The following FNBP1 variants were observed in gnomAD, a reference collection of about 807,000 sequenced individuals.
The protein encoded by FNBP1 is formin-binding protein 1.
In FNBP1, 26 loss-of-function variants were observed where a neutral mutation model predicts 90.6. The ratio of observed to expected loss-of-function variants is 0.29; its 90% CI spans 0.21 to 0.40. FNBP1 has a LOEUF of 0.40. Among genes scored for constraint, FNBP1 ranks in the 10% least tolerant of loss-of-function variants. FNBP1 has a pLI of 1.00. For missense variants in FNBP1, 635 were observed against 768.0 expected (o/e 0.83, Z 2.05); for synonymous variants, 260 against 265.2 (o/e 0.98, Z 0.19).
intron 7 of FNBP1, among the ~76,000 whole-genome samples, chr9:129,927,699 T>A (rs2042115706): frequency 6.6e-6 from 1 of 152,108 alleles, no homozygotes; most frequent in Admixed American, 6.6e-5. Context: ...AACCTCTGCC[T>A]CCAGGTTCAA....
At chr9:129,931,166 T>C (rs1429104098) in intron 6 of FNBP1, among the ~76,000 whole-genome samples, 2 of 152,038 alleles carry the variant, frequency 1.3e-5, no homozygotes, top group Non-Finnish European at 2.9e-5. Context: ...CATGGTGGTA[T>C]GTGCCTATAG....
At chr9:129,953,440 A>G (rs1431904454) in intron 6 of FNBP1, among the ~76,000 whole-genome samples, 1 of 152,140 alleles carries the variant, frequency 6.6e-6, no homozygotes, top group Admixed American at 6.5e-5. Context: ...CAATGAGCCA[A>G]GATAGCACCA....
At chr9:130,027,221 AT>A (rs1348524365) in intron 1 of FNBP1, among the ~76,000 whole-genome samples, 2 of 152,334 alleles carry the variant, frequency 1.3e-5, no homozygotes, top group East Asian at 3.9e-4. Flanking sequence ...AAAGTGTATG[AT>A]CATGTGACAA....
intron 1 of FNBP1, among the ~76,000 whole-genome samples, chr9:130,016,476 G>A (rs1341314929): frequency 1.3e-5 from 2 of 152,134 alleles, no homozygotes; most frequent in East Asian, 3.8e-4. Flanking sequence ...GGGCATGGGG[G>A]CTCACACCTG....
intron 1 of FNBP1, among the ~76,000 whole-genome samples, chr9:130,025,757 C>A (rs2058282488): frequency 6.6e-6 from 1 of 152,118 alleles, no homozygotes; most frequent in Non-Finnish European, 1.5e-5. Flanking sequence ...AACCCTGTCT[C>A]TACTAAAAAT....
At chr9:130,053,866 C>T in the FNBP1 span, 4 of 1,487,476 alleles carry the variant, frequency 2.7e-6, no homozygotes, top group South Asian at 1.2e-5. Flanking sequence ...CGGGCCCTTC[C>T]GGCGGCTGCG....
At chr9:129,921,253 G>C (rs2041035334) in intron 10 of FNBP1, among the ~76,000 whole-genome samples, 1 of 151,202 alleles carries the variant, frequency 6.6e-6, no homozygotes, top group African/African-American at 2.4e-5. Context: ...TATCAATTAT[G>C]AATTTACATT....
chr9:129,913,661 C>T (rs1564310438), intron 11 of FNBP1, among the ~76,000 whole-genome samples: 1 of 151,922 alleles, frequency 6.6e-6, no homozygotes. Context: ...ATCCCAGCTA[C>T]TCGAGAAGCT....
At chr9:130,015,688 T>C (rs1379150294) in intron 1 of FNBP1, among the ~76,000 whole-genome samples, 2 of 152,220 alleles carry the variant, frequency 1.3e-5, no homozygotes, top group Non-Finnish European at 2.9e-5. Flanking sequence ...TTTTGTTTTG[T>C]TTTGGAGATA....
intron 6 of FNBP1, among the ~76,000 whole-genome samples, chr9:129,942,739 G>A (rs1234649614): frequency 6.6e-6 from 1 of 152,174 alleles, no homozygotes; most frequent in African/African-American, 2.4e-5. Context: ...AGGACTAAAA[G>A]CCCTTTGGAA....
At chr9:129,916,190 T>C (rs1015158703) in intron 10 of FNBP1, 2 of 576,590 alleles carry the variant, frequency 3.5e-6, no homozygotes, top group Admixed American at 6.2e-5. Flanking sequence ...ATAACATTTT[T>C]CTTAGGCTCC....
intron 1 of FNBP1, among the ~76,000 whole-genome samples, chr9:130,011,176 A>G (rs2056508811): frequency 8.1e-6 from 1 of 123,504 alleles, no homozygotes; most frequent in Non-Finnish European, 1.6e-5. Flanking sequence ...AGATGGTGCC[A>G]TTGCACTCCA....
chr9:130,017,318 C>T (rs375498743), intron 1 of FNBP1, among the ~76,000 whole-genome samples: 3 of 152,196 alleles, frequency 2.0e-5, no homozygotes, highest in East Asian at 3.9e-4. Context: ...TAATTATACA[C>T]GGGTAGTTGG....
intron 1 of FNBP1, among the ~76,000 whole-genome samples, chr9:130,027,883 C>T (rs1000856033): frequency 6.6e-6 from 1 of 151,308 alleles, no homozygotes; most frequent in Non-Finnish European, 1.5e-5. Flanking sequence ...CCTAAAAGCG[C>T]AAGAAAAAAA....
rs765582659 is a variant in FNBP1, at chr9:129,965,694, A to ACGCGCG, written c.346-7142_346-7141insCGCGCG. ...CCCATCTCTCTTAAAACACACACAC[A>ACGCGCG]CACGCGCGCGCGCGCACACACACAC... is the stretch of plus-strand genomic sequence containing the variant. On this transcript the variant is annotated intron_variant, in intron 4 of 16. Coordinates refer to ENST00000446176, the MANE Select transcript of FNBP1 (RefSeq NM_015033.3). Among the ~76,000 whole-genome samples the ACGCGCG allele has an allele frequency of 5.9e-3, 709 of 119,454 alleles. 6 individuals carry two copies. The highest frequency in any genetic ancestry group is 0.013 in the East Asian group (52 of 3,864). 78.4% of individuals were successfully genotyped at this position (119,454 alleles called of 152,430 possible).
chr9:129,934,861 T>A (rs1053944275), intron 6 of FNBP1, among the ~76,000 whole-genome samples: 7 of 151,916 alleles, frequency 4.6e-5, no homozygotes, highest in African/African-American at 1.7e-4. Flanking sequence ...GGATTACAGA[T>A]GTGAGCCACC....
intron 4 of FNBP1, among the ~76,000 whole-genome samples, chr9:129,971,981 T>G (rs2049521332): frequency 1.3e-5 from 2 of 152,214 alleles, no homozygotes. Context: ...ATTCTGCCGC[T>G]GTATCAAATG....
At chr9:129,962,995 T>G (rs772691049) in intron 4 of FNBP1, among the ~76,000 whole-genome samples, 123 of 152,250 alleles carry the variant, frequency 8.1e-4, no homozygotes, top group Admixed American at 2.0e-3. Flanking sequence ...GTGACTTCTC[T>G]GCGAAGAGAA....
At chr9:129,932,766 T>C (rs755487641) in intron 6 of FNBP1, among the ~76,000 whole-genome samples, 6 of 152,056 alleles carry the variant, frequency 3.9e-5, no homozygotes, top group Non-Finnish European at 7.4e-5. Context: ...CTAGTAAATA[T>C]ATTAGTCTAG....
Sources: gnomAD v4.1 joint callset for allele counts (sites outside exome capture counted in the v4.1 genomes callset) on GRCh38, gnomAD v4.1.1 for gene constraint, MANE v1.5 for transcripts, NCBI Gene and HGNC (gene_info 2026-07-23, HGNC 2026-07-21) for gene names.